Variants in ENPP3 observed in about 807,000 individuals in gnomAD.
ENPP3 encodes ectonucleotide pyrophosphatase/phosphodiesterase 3, also known as ectonucleotide pyrophosphatase/phosphodiesterase family member 3.
ENPP3 carries 104 observed loss-of-function variants against 117.8 expected under a neutral mutation model. That is an observed-to-expected ratio of 0.88 (90% CI 0.75 to 1.04). The LOEUF is 1.04. Among genes scored for constraint, ENPP3 ranks in the 50% least tolerant of loss-of-function variants. The pLI, the probability that ENPP3 is intolerant of heterozygous loss-of-function variation, is 0.00. For synonymous variants in ENPP3, 380 were observed against 349.9 expected, an observed-to-expected ratio of 1.09 and a Z score of -0.96; for missense variants, 1,026 against 1,051.9, an observed-to-expected ratio of 0.98 and a Z score of 0.34.
At chr6:131,678,566 G>T (rs1585655403) in intron 11 of ENPP3, among the ~76,000 whole-genome samples, 1 of 152,202 alleles carries the variant, frequency 6.6e-6, no homozygotes, top group African/African-American at 2.4e-5. Context: ...TATTGTCTTG[G>T]ACACAGTGGA....
intron 11 of ENPP3, among the ~76,000 whole-genome samples, chr6:131,678,921 C>CTTTCTTTCTT (rs1562446438): frequency 2.9e-5 from 2 of 69,532 alleles, no homozygotes; most frequent in Non-Finnish European, 5.1e-5. Context: ...TTCTTTCTTT[C>CTTTCTTTCTT]TTTCTTTCTT....
chr6:131,684,734 G>A (rs1216793201), intron 12 of ENPP3, among the ~76,000 whole-genome samples: 1 of 151,866 alleles, frequency 6.6e-6, no homozygotes, highest in East Asian at 1.9e-4. Context: ...AATAAAAAAG[G>A]TTAACTACCA....
intron 13 of ENPP3, 39 bp downstream of exon 13, chr6:131,685,534 C>G: frequency 6.3e-7 from 1 of 1,597,288 alleles, no homozygotes; most frequent in South Asian, 1.1e-5. Context: ...AAGGGTAAAC[C>G]TGAAAGTGAA....
chr6:131,657,077 A>AT (rs1176374759), intron 5 of ENPP3, among the ~76,000 whole-genome samples: 1 of 152,076 alleles, frequency 6.6e-6, no homozygotes, highest in African/African-American at 2.4e-5. Flanking sequence ...AAAAAGAAGT[A>AT]TTTTCTCATG....
intron 6 of ENPP3, among the ~76,000 whole-genome samples, chr6:131,662,251 T>TC (rs1390783136): frequency 6.6e-6 from 1 of 150,840 alleles, no homozygotes; most frequent in Admixed American, 6.6e-5. Context: ...TCTCTATTCT[T>TC]TTTTTTTTTC....
At position 131,722,225 on chromosome 6, in the gene ENPP3, A is replaced by C; in HGVS notation, c.1568-2A>C. On this transcript the variant is annotated splice_acceptor_variant, in intron 17 of 24. Coordinates refer to ENST00000357639, the MANE Select transcript of ENPP3 (RefSeq NM_005021.5). LOFTEE classifies it high-confidence loss of function. The stretch of plus-strand genomic sequence containing the variant: ...CTTTGAACTAATTTTTTCAAAAAAC[A>C]GATCTTCTACGCATTCAACCAGCAC... 1 of 1,605,036 alleles carries C rather than the reference A, an allele frequency of 6.2e-7. No individual in the cohort carries two copies. Among genetic ancestry groups the C allele is most frequent in the South Asian group, 1.1e-5 (1 of 89,150 alleles).
chr6:131,730,832 T>C (rs191698394), intron 20 of ENPP3, among the ~76,000 whole-genome samples: 115 of 151,664 alleles, frequency 7.6e-4, no homozygotes, highest in African/African-American at 2.7e-3. Context: ...GGAGAATCAG[T>C]TGAACCCAGG....
chr6:131,667,983 A>C (rs1404824593), intron 6 of ENPP3, among the ~76,000 whole-genome samples: 1 of 152,184 alleles, frequency 6.6e-6, no homozygotes, highest in East Asian at 1.9e-4. Flanking sequence ...TTTGAGTGCT[A>C]GAAATGATAC....
chr6:131,701,748 G>A (rs1346782670), intron 15 of ENPP3, among the ~76,000 whole-genome samples: 3 of 150,580 alleles, frequency 2.0e-5, no homozygotes, highest in South Asian at 2.1e-4. Flanking sequence ...CCGGCGTGGC[G>A]GCGTGTACCT....
intron 6 of ENPP3, among the ~76,000 whole-genome samples, chr6:131,661,181 G>T (rs768499266): frequency 6.6e-6 from 1 of 152,134 alleles, no homozygotes; most frequent in South Asian, 2.1e-4. Flanking sequence ...TAGTGCTTCA[G>T]TGAACATGGG....
intron 2 of ENPP3, among the ~76,000 whole-genome samples, chr6:131,647,157 AG>A (rs1483826280): frequency 6.6e-6 from 1 of 152,074 alleles, no homozygotes; most frequent in Non-Finnish European, 1.5e-5. Flanking sequence ...TATAGGCATG[AG>A]CCACTGCACC....
At chr6:131,637,711 T>G (rs150893454) in intron 1 of ENPP3, among the ~76,000 whole-genome samples, 92 of 152,308 alleles carry the variant, frequency 6.0e-4, no homozygotes, top group African/African-American at 2.1e-3. Context: ...ACAGAACGCT[T>G]TGTGGCGCTG....
chr6:131,641,862 C>T (rs1182477929), intron 2 of ENPP3, among the ~76,000 whole-genome samples: 28 of 115,088 alleles, frequency 2.4e-4, no homozygotes, highest in African/African-American at 9.4e-4. Flanking sequence ...GGAGCACAAT[C>T]TCCACTCACT....
In ENPP3 at chr6:131,666,328, G is replaced by C. The variant is rs190172730; in HGVS notation, c.563-4920G>C. Among the ~76,000 whole-genome samples, 28 of 152,152 alleles carry C rather than the reference G, an allele frequency of 1.8e-4. 1 individual carries two copies. Among genetic ancestry groups the C allele is most frequent in the Admixed American group, 1.5e-3 (23 of 15,278 alleles). ...TGACATTTGATTATAATATGTCTTA[G>C]TGTGGATTTCTTTAGGTTCATCTTA... On this transcript the variant is annotated intron_variant, in intron 6 of 24. Coordinates refer to ENST00000357639, the MANE Select transcript of ENPP3 (RefSeq NM_005021.5).
chr6:131,718,849 A>T, intron 16 of ENPP3, 111 bp downstream of exon 16: 2 of 585,274 alleles, frequency 3.4e-6, no homozygotes, highest in South Asian at 5.7e-5. Context: ...TGTCATACAG[A>T]TTATTTCATT....
chr6:131,738,750 A>G (rs1369200939), intron 23 of ENPP3, among the ~76,000 whole-genome samples: 1 of 152,172 alleles, frequency 6.6e-6, no homozygotes, highest in Admixed American at 6.5e-5. Context: ...GTTTTAGAGA[A>G]GTTTCATCTA....
chr6:131,688,124 A>C (rs1409017512), intron 14 of ENPP3, among the ~76,000 whole-genome samples: 2 of 152,094 alleles, frequency 1.3e-5, no homozygotes, highest in South Asian at 4.1e-4. Context: ...TGCTCTGGTG[A>C]TATGTGATCA....
chr6:131,688,235 G>A (rs1298941091), intron 14 of ENPP3, among the ~76,000 whole-genome samples: 1 of 152,144 alleles, frequency 6.6e-6, no homozygotes, highest in Non-Finnish European at 1.5e-5. Flanking sequence ...CGTGCTGATT[G>A]CTCCACAAAC....
At chr6:131,651,886 G>T (rs558676520) in intron 3 of ENPP3, among the ~76,000 whole-genome samples, 1 of 152,314 alleles carries the variant, frequency 6.6e-6, no homozygotes, top group South Asian at 2.1e-4. Context: ...GTTACCTATT[G>T]AGAATGTTTG....
Sources: allele counts gnomAD v4.1 joint callset (sites outside exome capture counted in the v4.1 genomes callset), GRCh38; gene constraint gnomAD v4.1.1; transcripts MANE v1.5; gene names NCBI Gene and HGNC (gene_info 2026-07-23, HGNC 2026-07-21).